The following CUL1 variants were observed in gnomAD, a reference collection of about 807,000 sequenced individuals.
CUL1 encodes the protein cullin 1, also known as cullin-1.
In CUL1, 24 loss-of-function variants were observed where a neutral mutation model predicts 118.0. The ratio of observed to expected loss-of-function variants is 0.20; its 90% CI spans 0.15 to 0.29. CUL1 has a LOEUF of 0.29. Among genes scored for constraint, CUL1 ranks in the 10% least tolerant of loss-of-function variants. The probability of loss-of-function intolerance (pLI) is 1.00; values close to 1 mark genes in which losing one functional copy is unlikely to be tolerated. For missense variants in CUL1, 361 were observed against 933.8 expected, an observed-to-expected ratio of 0.39 and a Z score of 7.99; for synonymous variants, 332 against 340.4, an observed-to-expected ratio of 0.98 and a Z score of 0.27.
intron 1 of CUL1, among the ~76,000 whole-genome samples, chr7:148,725,221 T>A (rs11761079): frequency 0.45 from 64,883 of 145,054 alleles, 14,440 homozygotes; most frequent in South Asian, 0.61. Flanking sequence ...ACGCGCGCGC[T>A]CACACACACA....
chr7:148,715,229 CA>C (rs1427922218), intron 1 of CUL1, among the ~76,000 whole-genome samples: 4 of 152,168 alleles, frequency 2.6e-5, no homozygotes, highest in African/African-American at 7.2e-5. Context: ...CTTGTGACAG[CA>C]ATGTTGGGAG....
At chr7:148,738,836 A>T (rs1430371541) in intron 2 of CUL1, among the ~76,000 whole-genome samples, 1 of 152,024 alleles carries the variant, frequency 6.6e-6, no homozygotes, top group Non-Finnish European at 1.5e-5. Flanking sequence ...ATAACTTTAG[A>T]TGTGACCATT....
chr7:148,797,666 C>A, intron 17 of CUL1, 146 bp from the exon 18 acceptor site: 1 of 642,748 alleles, frequency 1.6e-6, no homozygotes, highest in Non-Finnish European at 2.7e-6. Context: ...GAAGTACCAA[C>A]TTTTTTTTCC....
intron 17 of CUL1, among the ~76,000 whole-genome samples, chr7:148,797,282 C>T (rs1584826829): frequency 6.6e-6 from 1 of 151,892 alleles, no homozygotes; most frequent in East Asian, 1.9e-4. Context: ...GTGAAGAGTT[C>T]CTGAAGATTT....
At position 148,797,790 on chromosome 7, in the gene CUL1, C is replaced by T. The variant is rs763694200; in HGVS notation, c.1900-22C>T. The T allele has an allele frequency of 9.4e-6, 15 of 1,603,456 alleles. No individual in the cohort carries two copies. The East Asian group carries it at 2.9e-4, about 31-fold the overall frequency. Reference sequence around the variant, plus strand: ...AAAAATGCATTTTCCCTTTAACTTCCTCTTTTTCTCTTTAATTGCAGGACA... The same window carrying T: ...AAAAATGCATTTTCCCTTTAACTTCTTCTTTTTCTCTTTAATTGCAGGACA... On this transcript the variant is annotated intron_variant, in intron 17 of 21. Coordinates refer to ENST00000325222, the MANE Select transcript of CUL1 (RefSeq NM_003592.3).
intron 16 of CUL1, among the ~76,000 whole-genome samples, chr7:148,792,433 C>T (rs537583643): frequency 3.3e-5 from 5 of 152,130 alleles, no homozygotes; most frequent in South Asian, 2.1e-4. Context: ...TCTATAAATG[C>T]GTGGGGACGT....
intron 1 of CUL1, among the ~76,000 whole-genome samples, chr7:148,719,805 A>T (rs923661672): frequency 3.3e-5 from 5 of 152,246 alleles, no homozygotes; most frequent in Admixed American, 1.3e-4. Context: ...ACGTATTCAT[A>T]TCATGAAGCT....
chr7:148,729,982 C>T lies in CUL1; in HGVS notation c.-141C>T. 1.1e-6 allele frequency: 1 copy of T among 952,042 alleles called. No individual in the cohort carries two copies. The highest frequency in any genetic ancestry group is 1.5e-6 in the Non-Finnish European group (1 of 651,786). 59.0% of individuals were successfully genotyped at this position (952,042 alleles called of 1,614,324 possible). The stretch of plus-strand genomic sequence containing the variant: ...CTCAGGTTTGCCTGCAATGAGATTT[C>T]ATTCTCTACATTTAAAGGACATCCT... On this transcript the variant is annotated 5_prime_UTR_variant, in exon 2 of 22. Transcript: ENST00000325222.
intron 1 of CUL1, among the ~76,000 whole-genome samples, chr7:148,714,744 C>T (rs935680333): frequency 6.6e-6 from 1 of 152,152 alleles, no homozygotes; most frequent in Admixed American, 6.5e-5. Flanking sequence ...AAAGCATGAA[C>T]ACACCTGGGC....
chr7:148,732,838 T>G (rs1798808622), intron 2 of CUL1, among the ~76,000 whole-genome samples: 1 of 152,144 alleles, frequency 6.6e-6, no homozygotes, highest in South Asian at 2.1e-4. Context: ...CCTCTCAAAT[T>G]GGGTAGTTTT....
rs1799574099 is a variant in CUL1 at position 148,753,916 on chromosome 7, T to C, written c.141-60T>C. 4.7e-6 allele frequency: 6 copies of C among 1,282,668 alleles called. No homozygotes were observed. The Admixed American group carries it at 1.6e-4, about 34-fold the overall frequency. 79.5% of individuals were successfully genotyped at this position (1,282,668 alleles called of 1,614,324 possible). On this transcript the variant is annotated intron_variant, in intron 2 of 21. Coordinates refer to ENST00000325222, the MANE Select transcript of CUL1 (RefSeq NM_003592.3). ...TGGTAATGAAATATAAGAAAATATG[T>C]TTATGTTAATGACCGTTAACGTCTG...
At chr7:148,745,360 T>C (rs1176209542) in intron 2 of CUL1, among the ~76,000 whole-genome samples, 1 of 152,216 alleles carries the variant, frequency 6.6e-6, no homozygotes, top group Non-Finnish European at 1.5e-5. Flanking sequence ...TTGTCTTTTG[T>C]CTTGAGAGTG....
intron 2 of CUL1, among the ~76,000 whole-genome samples, chr7:148,739,538 T>C (rs1281346012): frequency 1.3e-5 from 2 of 152,226 alleles, no homozygotes; most frequent in Non-Finnish European, 2.9e-5. Context: ...ATGTCATCTT[T>C]TGTAAAGTGT....
chr7:148,732,489 G>T (rs1392900241), intron 2 of CUL1, among the ~76,000 whole-genome samples: 1 of 151,052 alleles, frequency 6.6e-6, no homozygotes, highest in Non-Finnish European at 1.5e-5. Context: ...CCACAGGCAC[G>T]CACCATCATG....
intron 21 of CUL1, among the ~76,000 whole-genome samples, chr7:148,799,747 G>A (rs987325862): frequency 5.3e-5 from 8 of 152,044 alleles, no homozygotes; most frequent in Admixed American, 2.6e-4. Flanking sequence ...CTGCTTTTGC[G>A]TGATACATAA....
chr7:148,780,126 TC>T, intron 9 of CUL1, among the ~76,000 whole-genome samples: 1 of 152,008 alleles, frequency 6.6e-6, no homozygotes, highest in South Asian at 2.1e-4. Context: ...TATATATATA[TC>T]TCCTGTTAGT....
chr7:148,730,149 C>G lies in CUL1; in HGVS notation c.27C>G (p.Pro9=). The change falls in exon 2 of 22, where the codon CCC becomes CCG. Residue 9 remains proline, a synonymous_variant. Transcript: ENST00000325222. ...TGTCGTCAACCCGGAGCCAGAACCC[C>G]CACGGCCTGAAGCAGATTGGCCTGG... MSSTRSQN[P]HGLKQIGLDQ... 1 of 1,614,088 alleles carries G rather than the reference C, an allele frequency of 6.2e-7. No homozygotes were observed. The highest frequency in any genetic ancestry group is 8.5e-7 in the Non-Finnish European group (1 of 1,179,992).
chr7:148,713,231 A>T (rs945464741), intron 1 of CUL1, among the ~76,000 whole-genome samples: 5 of 152,218 alleles, frequency 3.3e-5, no homozygotes, highest in African/African-American at 1.2e-4. Flanking sequence ...GCATGATTTA[A>T]TCTAGGTAAT....
At chr7:148,715,059 T>C (rs1798170916) in intron 1 of CUL1, among the ~76,000 whole-genome samples, 1 of 152,198 alleles carries the variant, frequency 6.6e-6, no homozygotes, top group Non-Finnish European at 1.5e-5. Context: ...GAAGACATGA[T>C]GTTTGTCATG....
Sources: allele counts gnomAD v4.1 joint callset (sites outside exome capture counted in the v4.1 genomes callset), GRCh38; gene constraint gnomAD v4.1.1; transcripts MANE v1.5; gene names NCBI Gene and HGNC (gene_info 2026-07-23, HGNC 2026-07-21).